TBX10: variants seen among roughly 807,000 people sequenced by gnomAD.
The protein encoded by TBX10 is T-box transcription factor 10.
A neutral mutation model predicts 32.4 loss-of-function variants in TBX10; 26 were observed. That is an observed-to-expected ratio of 0.80 (90% CI 0.59 to 1.11). The LOEUF (loss-of-function observed/expected upper bound fraction) is 1.11, where lower values mean the gene tolerates loss of function less well. Ranked by LOEUF, TBX10 falls within the 50% of genes most tolerant of loss-of-function variation. The probability of loss-of-function intolerance (pLI) is 0.00; values close to 1 mark genes in which losing one functional copy is unlikely to be tolerated. For synonymous variants in TBX10, 195 were observed against 203.1 expected, an observed-to-expected ratio of 0.96 and a Z score of 0.34; for missense variants, 490 against 494.5, an observed-to-expected ratio of 0.99 and a Z score of 0.09.
upstream of TBX10, among the ~76,000 whole-genome samples, chr11:67,639,799 G>T (rs1334358033): frequency 1.3e-5 from 2 of 151,862 alleles, no homozygotes; most frequent in Non-Finnish European, 2.9e-5. Flanking sequence ...AGGTGGGAAG[G>T]TTCTGACGTT....
rs959425710 is a variant in TBX10 at position 67,639,680 on chromosome 11, G to A, written c.-208C>T. ...TCCTGAGGTCGTGGTCTTCCTACTC[G>A]AGCTGGACCCCTGGTCTCCGAAGGT... is the stretch of plus-strand genomic sequence containing the variant. On this transcript the variant is annotated 5_prime_UTR_variant, in exon 1 of 8. Coordinates refer to ENST00000335385, the MANE Select transcript of TBX10 (RefSeq NM_005995.5). 18 of 661,592 alleles carry A rather than the reference G, an allele frequency of 2.7e-5. No individual in the cohort carries two copies. Among genetic ancestry groups the A allele is most frequent in the Admixed American group, 4.4e-5 (2 of 45,706 alleles). The allele number at this position is 661,592 out of a possible 1,614,324, so 41.0% of individuals were successfully genotyped here.
Position 67,631,895 on chromosome 11 carries a change from C to T in TBX10, c.869-1G>A, listed in dbSNP as rs899406445. On this transcript the variant is annotated splice_acceptor_variant, in intron 7 of 7. Coordinates refer to ENST00000335385, the MANE Select transcript of TBX10 (RefSeq NM_005995.5). LOFTEE classifies it high-confidence loss of function. ...GTGGAAGCTGAAGCTTTGTTGGGGT[C>T]TGAGGGAGGAAATGAGTGGACTCTG... 3 of 1,565,710 alleles carry T rather than the reference C, an allele frequency of 1.9e-6. No homozygotes were observed. Among genetic ancestry groups the T allele is most frequent in the Non-Finnish European group, 2.6e-6 (3 of 1,154,182 alleles).
intron 1 of TBX10, among the ~76,000 whole-genome samples, chr11:67,636,922 G>A (rs1855340299): frequency 6.6e-6 from 1 of 152,234 alleles, no homozygotes; most frequent in Non-Finnish European, 1.5e-5. Context: ...TAGCTGAGAA[G>A]TGGAAGCAAC....
chr11:67,633,795 C>G (rs557806176), intron 4 of TBX10, among the ~76,000 whole-genome samples: 1 of 152,322 alleles, frequency 6.6e-6, no homozygotes, highest in South Asian at 2.1e-4. Context: ...ATCTGAGACG[C>G]TGGGGACAGT....
chr11:67,631,869 G>T lies in TBX10; in HGVS notation c.894C>A (p.Thr298=). 1 of 1,575,044 alleles carries T rather than the reference G, an allele frequency of 6.3e-7. No individual in the cohort carries two copies. The highest frequency in any genetic ancestry group is 1.9e-5 in the Admixed American group (1 of 52,250). The change falls in exon 8 of 8, where the codon ACC becomes ACA. Residue 298 remains threonine, a synonymous_variant. Coordinates refer to ENST00000335385, the MANE Select transcript of TBX10 (RefSeq NM_005995.5). ...GATGGAGCCAAGCAGGGGTCTTGGA[G>T]GTGGAAGCTGAAGCTTTGTTGGGGT... ...EKDPNKASAS[T]SKTPAWLHHQ...
chr11:67,631,474 C>G lies in TBX10; in HGVS notation c.*131G>C. On this transcript the variant is annotated 3_prime_UTR_variant, in exon 8 of 8. Transcript: ENST00000335385. ...TGCTGTGACCCTGGGCAGGTAGCCT[C>G]TTTCTCTAGACTTTCACCTACCCTG... 7.9e-7 allele frequency: 1 copy of G among 1,261,218 alleles called. No homozygotes were observed. The highest frequency in any genetic ancestry group is 1.1e-6 in the Non-Finnish European group (1 of 909,260). The allele number at this position is 1,261,218 out of a possible 1,614,324, so 78.1% of individuals were successfully genotyped here.
chr11:67,634,749 A>C, intron 3 of TBX10, 67 bp downstream of exon 3: 1 of 1,521,180 alleles, frequency 6.6e-7, no homozygotes, highest in South Asian at 1.1e-5. Context: ...CTTGGGGTGC[A>C]GGAAGGGTCT....
At position 67,634,237 on chromosome 11, in the gene TBX10, G is replaced by A. The variant is rs1204937147; in HGVS notation, c.501C>T (p.Ser167=). Residue 167 remains serine, a synonymous_variant, in exon 4 of 8, where the codon TCC becomes TCT. Coordinates refer to ENST00000335385, the MANE Select transcript of TBX10 (RefSeq NM_005995.5). ...KGAQWMRQIV[S]FDKLKLTNNL... The stretch of plus-strand genomic sequence containing the variant: ...TGTTGGTCAGCTTGAGCTTGTCAAA[G>A]GACACAATCTGGCGCATCCACTGGG... 1.2e-6 allele frequency: 2 copies of A among 1,613,282 alleles called. No individual in the cohort carries two copies. The highest frequency in any genetic ancestry group is 1.7e-5 in the Admixed American group (1 of 60,032).
chr11:67,632,782 A>G, intron 5 of TBX10, 112 bp from the exon 6 acceptor site: 1 of 1,546,522 alleles, frequency 6.5e-7, no homozygotes, highest in Non-Finnish European at 8.9e-7. Context: ...TTGGCCCAGG[A>G]ACTCTGAGCT....
chr11:67,631,402 G>A lies in TBX10; in HGVS notation c.*203C>T. ...AGGGCACAGTATTCAGGCTGCTGGG[G>A]TTGGGAGATAGAAGTCCTGGTTCCA... On this transcript the variant is annotated 3_prime_UTR_variant, in exon 8 of 8. Transcript: ENST00000335385. 3.1e-6 allele frequency: 2 copies of A among 655,426 alleles called. 1 individual carries two copies. The highest frequency in any genetic ancestry group is 3.9e-5 in the South Asian group (2 of 51,910). The allele number at this position is 655,426 out of a possible 1,614,324, so 40.6% of individuals were successfully genotyped here. A position where few individuals can be genotyped will look rare whatever the true frequency, so the allele number is the denominator to read the frequency against.
chr11:67,638,068 G>A (rs1220631045), intron 1 of TBX10, among the ~76,000 whole-genome samples: 1 of 152,092 alleles, frequency 6.6e-6, no homozygotes, highest in African/African-American at 2.4e-5. Flanking sequence ...TTAGCCAGAA[G>A]TGCTGGCGGG....
intron 1 of TBX10, among the ~76,000 whole-genome samples, chr11:67,638,493 G>C (rs1480052014): frequency 6.6e-6 from 1 of 152,180 alleles, no homozygotes; most frequent in Non-Finnish European, 1.5e-5. Flanking sequence ...GCCTGGAGCA[G>C]AGGGGGGTGC....
rs1228056210 is a variant in TBX10, at chr11:67,635,242, C to T, written c.29G>A (p.Gly10Asp). 1 of 1,613,472 alleles carries T rather than the reference C, an allele frequency of 6.2e-7. No individual in the cohort carries two copies. The highest frequency in any genetic ancestry group is 1.3e-5 in the African/African-American group (1 of 75,016). Residue 10 changes from glycine (G) to aspartate (D), a missense_variant, in exon 2 of 8, where the codon GGC becomes GAC. Coordinates refer to ENST00000335385, the MANE Select transcript of TBX10 (RefSeq NM_005995.5). ...GTAGGTCTCTGAGGGTGCAAGTATG[C>T]CGAGGCCAGCAGATAGGAAGGCTGT... MAAFLSAGL[G>D]ILAPSETYPL...
At position 67,634,188 on chromosome 11, in the gene TBX10, C is replaced by A. The variant is rs775096048; in HGVS notation, c.549+1G>T. On this transcript the variant is annotated splice_donor_variant, in intron 4 of 7. Transcript: ENST00000335385. LOFTEE classifies it high-confidence loss of function. ...CGTCCCCACCGTGGCCCCGGCCTCACGTGGCCATTGTCATCCAGCAGGTTG... is the reference window on the plus strand; with the variant it reads ...CGTCCCCACCGTGGCCCCGGCCTCAAGTGGCCATTGTCATCCAGCAGGTTG... The A allele has an allele frequency of 6.2e-7, 1 of 1,612,654 alleles. No individual in the cohort carries two copies. Among genetic ancestry groups the A allele is most frequent in the Non-Finnish European group, 8.5e-7 (1 of 1,179,984 alleles).
At chr11:67,639,393 T>TGCCCCCCCCCCCCCCCCC in intron 1 of TBX10, 73 bp downstream of exon 1, 1 of 726,920 alleles carries the variant, frequency 1.4e-6, no homozygotes, top group East Asian at 2.7e-5. Context: ...CTGTCTTGGT[T>TGCCCCCCCCCCCCCCCCC]CCCACCCTGC....
Position 67,631,724 on chromosome 11 carries a change from G to T in TBX10, c.1039C>A (p.Pro347Thr). The T allele has an allele frequency of 6.2e-7, 1 of 1,610,220 alleles. No individual in the cohort carries two copies. The highest frequency in any genetic ancestry group is 8.5e-7 in the Non-Finnish European group (1 of 1,178,742). Reference sequence around the variant, plus strand: ...GCCCGGATGTTGGGGAGGGGGTATGGTGCTGGTCGGGTCCTTGGGATCCCT... The same window carrying T: ...GCCCGGATGTTGGGGAGGGGGTATGTTGCTGGTCGGGTCCTTGGGATCCCT... ...HLGIPRTRPA[P>T]YPLPNIRADR... Residue 347 changes from proline to threonine, a missense_variant, in exon 8 of 8, where the codon CCA becomes ACA. By Grantham distance (38) the Pro-to-Thr change is conservative. Around this residue, in one of 3 missense-constraint regions of TBX10, gnomAD observed 177 missense variants for 176.6 expected, o/e 1.00. Transcript: ENST00000335385.
chr11:67,632,987 C>G lies in TBX10; in HGVS notation c.666G>C (p.Glu222Asp), dbSNP rs763486594. ...AGGCTGTCACTGCTGTGAACTGGGT[C>G]TCTGTGAAGATGAAGGACTTGAAGT... is the stretch of plus-strand genomic sequence containing the variant. ...QENFKSFIFT[E>D]TQFTAVTAYQ... The change falls in exon 5 of 8, where the codon GAG becomes GAC. Residue 222 changes from glutamate to aspartate, a missense_variant. Coordinates refer to ENST00000335385, the MANE Select transcript of TBX10 (RefSeq NM_005995.5). 1.2e-5 allele frequency: 19 copies of G among 1,614,110 alleles called. No homozygotes were observed. Among genetic ancestry groups the G allele is most frequent in the Non-Finnish European group, 1.3e-5 (15 of 1,180,030 alleles).
At position 67,635,117 on chromosome 11, in the gene TBX10, G is replaced by C. The variant is rs147388176; in HGVS notation, c.154C>G (p.Pro52Ala). ...GGGTTCTTGGGGCCCTGCCCAGTGG[G>C]CTCGGCCACAGCTTGGGCCCCAGTA... ...SSTGAQAVAE[P>A]TGQGPKNPRV... The change falls in exon 2 of 8, where the codon CCC (proline) becomes GCC (alanine). Residue 52 changes from proline (P) to alanine (A), a missense_variant. Pro to Ala is a conservative substitution (Grantham distance 27, BLOSUM62 -1). Coordinates refer to ENST00000335385, the MANE Select transcript of TBX10 (RefSeq NM_005995.5). 6.2e-7 allele frequency: 1 copy of C among 1,613,820 alleles called. No homozygotes were observed. Among genetic ancestry groups the C allele is most frequent in the Non-Finnish European group, 8.5e-7 (1 of 1,180,038 alleles).
chr11:67,639,401 T>TC, intron 1 of TBX10, 65 bp downstream of exon 1: 44 of 213,892 alleles, frequency 2.1e-4, no homozygotes, highest in East Asian at 3.2e-4. Context: ...GTTCCCACCC[T>TC]GCCCACCCAC....
Sources: gnomAD v4.1 joint callset for allele counts (sites outside exome capture counted in the v4.1 genomes callset) on GRCh38, gnomAD v4.1.1 for gene constraint, gnomAD v4.1.1 regional missense constraint, MANE v1.5 for transcripts, NCBI Gene and HGNC (gene_info 2026-07-23, HGNC 2026-07-21) for gene names.